Variants in LHFPL6 observed in about 807,000 individuals in gnomAD.
LHFPL6 encodes the protein LHFPL tetraspan subfamily member 6.
Under a neutral mutation model 20.6 loss-of-function variants are expected in LHFPL6, and 9 were observed. That is an observed-to-expected ratio of 0.44 (90% CI 0.26 to 0.76). The LOEUF is 0.76. LHFPL6 is among the 30% of genes least tolerant of loss of function. The probability of loss-of-function intolerance (pLI) is 0.20; values close to 1 mark genes in which losing one functional copy is unlikely to be tolerated. For missense variants in LHFPL6, 218 were observed against 253.5 expected, an observed-to-expected ratio of 0.86 and a Z score of 0.95; for synonymous variants, 105 against 98.7, an observed-to-expected ratio of 1.06 and a Z score of -0.38.
intron 3 of LHFPL6, among the ~76,000 whole-genome samples, chr13:39,352,920 TATAA>T (rs59115905): frequency 9.8e-4 from 54 of 55,184 alleles, no homozygotes; most frequent in East Asian, 5.0e-3. Flanking sequence ...TGTATATATA[TATAA>T]ATGTATATAT....
chr13:39,470,923 T>C (rs1872927578), intron 2 of LHFPL6, among the ~76,000 whole-genome samples: 1 of 152,222 alleles, frequency 6.6e-6, no homozygotes. Flanking sequence ...ACTTCAGATA[T>C]ACAGGCATTT....
intron 2 of LHFPL6, among the ~76,000 whole-genome samples, chr13:39,382,523 G>A (rs750412307): frequency 6.6e-6 from 1 of 152,056 alleles, no homozygotes; most frequent in African/African-American, 2.4e-5. Context: ...CTGGGTAGCT[G>A]GGATTACAGG....
At chr13:39,482,045 T>C (rs1365828591) in intron 2 of LHFPL6, among the ~76,000 whole-genome samples, 1 of 152,230 alleles carries the variant, frequency 6.6e-6, no homozygotes, top group African/African-American at 2.4e-5. Flanking sequence ...GGCAACTGGC[T>C]ATATGAATCT....
At chr13:39,453,011 A>G (rs143867825) in intron 2 of LHFPL6, among the ~76,000 whole-genome samples, 3 of 149,632 alleles carry the variant, frequency 2.0e-5, no homozygotes, top group African/African-American at 7.3e-5. Flanking sequence ...AGGAACAAAG[A>G]GGCCTCCCTG....
At chr13:39,441,137 A>ATTTTTT (rs57695621) in intron 2 of LHFPL6, among the ~76,000 whole-genome samples, 17 of 91,456 alleles carry the variant, frequency 1.9e-4, no homozygotes, top group African/African-American at 6.4e-4. Context: ...ATGCCAACTA[A>ATTTTTT]TTTTTTTTTT....
At chr13:39,479,685 A>G (rs1379774924) in intron 2 of LHFPL6, among the ~76,000 whole-genome samples, 1 of 152,246 alleles carries the variant, frequency 6.6e-6, no homozygotes, top group African/African-American at 2.4e-5. Context: ...TGGAAATATA[A>G]TAATGAGTAA....
In LHFPL6 at chr13:39,533,112, T is replaced by C. The variant is rs562767688; in HGVS notation, c.385+67720A>G. Among the ~76,000 whole-genome samples the C allele has an allele frequency of 2.6e-5, 4 of 152,320 alleles. No individual in the cohort carries two copies. In the South Asian group the frequency reaches 8.3e-4, roughly 32 times the overall value. The stretch of plus-strand genomic sequence containing the variant: ...AAGAGAATACATTGCAACCTTGGAC[T>C]CTAGACTGCTCTAAAACTAGTCATT... On this transcript the variant is annotated intron_variant, in intron 2 of 3. Coordinates refer to ENST00000379589, the MANE Select transcript of LHFPL6 (RefSeq NM_005780.3).
At chr13:39,375,081 TAATA>T (rs1185558624) in intron 3 of LHFPL6, among the ~76,000 whole-genome samples, 1 of 152,198 alleles carries the variant, frequency 6.6e-6, no homozygotes, top group Non-Finnish European at 1.5e-5. Flanking sequence ...GCATGAGCTT[TAATA>T]ACATTAACAT....
chr13:39,442,715 T>G (rs1872172423), intron 2 of LHFPL6, among the ~76,000 whole-genome samples: 1 of 152,234 alleles, frequency 6.6e-6, no homozygotes, highest in Admixed American at 6.5e-5. Context: ...TTTTTCTTTC[T>G]TGCACTGTGA....
chr13:39,583,400 C>T (rs1375541154), intron 2 of LHFPL6, among the ~76,000 whole-genome samples: 1 of 151,968 alleles, frequency 6.6e-6, no homozygotes, highest in Non-Finnish European at 1.5e-5. Flanking sequence ...GTCTTGAACT[C>T]CTGGGCTCAA....
At chr13:39,386,587 A>G (rs1221065323) in intron 2 of LHFPL6, among the ~76,000 whole-genome samples, 1 of 152,166 alleles carries the variant, frequency 6.6e-6, no homozygotes, top group Non-Finnish European at 1.5e-5. Flanking sequence ...TCACACACTC[A>G]CCACCCATAA....
intron 2 of LHFPL6, among the ~76,000 whole-genome samples, chr13:39,556,108 C>T (rs927873144): frequency 1.4e-4 from 22 of 152,168 alleles, no homozygotes; most frequent in African/African-American, 5.3e-4. Context: ...CAGATGTCAG[C>T]GCCATGTTTC....
chr13:39,569,836 A>G (rs903609445), intron 2 of LHFPL6, among the ~76,000 whole-genome samples: 42 of 152,238 alleles, frequency 2.8e-4, no homozygotes, highest in African/African-American at 8.9e-4. Context: ...AGCAGGAGGC[A>G]CAAGCTCATT....
intron 2 of LHFPL6, among the ~76,000 whole-genome samples, chr13:39,461,750 T>TA (rs1566116820): frequency 6.6e-6 from 1 of 152,046 alleles, no homozygotes; most frequent in Non-Finnish European, 1.5e-5. Context: ...AAAGTCAAAA[T>TA]AAAAATCTAC....
chr13:39,477,902 A>AT (rs1301460982), intron 2 of LHFPL6, among the ~76,000 whole-genome samples: 12 of 152,250 alleles, frequency 7.9e-5, no homozygotes, highest in Admixed American at 7.9e-4. Flanking sequence ...AAATATCTGT[A>AT]TATCAGTTTC....
intron 2 of LHFPL6, among the ~76,000 whole-genome samples, chr13:39,522,958 G>C (rs1165071746): frequency 6.6e-6 from 1 of 152,146 alleles, no homozygotes; most frequent in Non-Finnish European, 1.5e-5. Flanking sequence ...AACATGGTTG[G>C]AATACCATAT....
intron 2 of LHFPL6, among the ~76,000 whole-genome samples, chr13:39,416,297 G>A (rs1227582092): frequency 6.6e-6 from 1 of 151,734 alleles, no homozygotes; most frequent in African/African-American, 2.4e-5. Context: ...CCCAAGGGTT[G>A]AGAACAATGC....
chr13:39,515,038 C>T (rs543601619), intron 2 of LHFPL6, among the ~76,000 whole-genome samples: 37 of 152,376 alleles, frequency 2.4e-4, no homozygotes, highest in Non-Finnish European at 4.7e-4. Context: ...ACCATCCGAG[C>T]CACTGCTATT....
At chr13:39,556,924 T>C (rs1871322060) in intron 2 of LHFPL6, among the ~76,000 whole-genome samples, 3 of 152,006 alleles carry the variant, frequency 2.0e-5, no homozygotes, top group Admixed American at 2.0e-4. Context: ...ATCACACCAC[T>C]GCAGTCCAGC....
Sources: gnomAD v4.1 joint callset for allele counts (sites outside exome capture counted in the v4.1 genomes callset) on GRCh38, gnomAD v4.1.1 for gene constraint, MANE v1.5 for transcripts, NCBI Gene and HGNC (gene_info 2026-07-23, HGNC 2026-07-21) for gene names.